Variants in CNTNAP4 observed in about 807,000 individuals in gnomAD.
The protein encoded by CNTNAP4 is contactin associated protein family member 4.
Under a neutral mutation model 148.4 loss-of-function variants are expected in CNTNAP4, and 98 were observed. That is an observed-to-expected ratio of 0.66 (90% CI 0.56 to 0.78). CNTNAP4 has a LOEUF of 0.78. Ranked by LOEUF, CNTNAP4 falls within the 30% of genes least tolerant of loss-of-function variation. CNTNAP4 has a pLI of 0.00. For missense variants in CNTNAP4, 1,935 were observed against 1,565.6 expected (o/e 1.24, Z -3.98); for synonymous variants, 730 against 565.1 (o/e 1.29, Z -4.14).
intron 2 of CNTNAP4, among the ~76,000 whole-genome samples, chr16:76,341,055 C>T (rs1211251904): frequency 1.3e-5 from 2 of 152,330 alleles, no homozygotes; most frequent in Non-Finnish European, 2.9e-5. Context: ...TAATGTGCTA[C>T]AGCCTCTCAC....
chr16:76,277,746 C>G lies in CNTNAP4; in HGVS notation c.84C>G (p.Ser28=), dbSNP rs1391106925. 3.2e-6 allele frequency: 5 copies of G among 1,576,710 alleles called. No individual in the cohort carries two copies. In the Admixed American group the frequency reaches 7.0e-5, roughly 22 times the overall value. ...QNWNRVEAGN[S]YDCDDPLVSA... is the part of the protein sequence containing the mutation. ...GGAACAGAGTCGAAGCTGGGAATTC[C>G]TGTAAGTATACAGCAAATGATTTAA... Residue 28 remains serine (S), a splice_region_variant and synonymous_variant, in exon 1 of 24, where the codon TCC becomes TCG. Transcript: ENST00000611870.
intron 4 of CNTNAP4, among the ~76,000 whole-genome samples, chr16:76,445,073 T>C (rs144139183): frequency 1.7e-3 from 263 of 152,230 alleles, no homozygotes; most frequent in African/African-American, 6.1e-3. Context: ...AATGGGACAG[T>C]GCTGGGAAAA....
chr16:76,390,824 C>G (rs772884655), intron 3 of CNTNAP4, among the ~76,000 whole-genome samples: 10 of 152,142 alleles, frequency 6.6e-5, no homozygotes, highest in East Asian at 1.9e-4. Flanking sequence ...CTCCTCAAGT[C>G]TTGAATTTCT....
chr16:76,478,781 C>T (rs2081691808), intron 11 of CNTNAP4, among the ~76,000 whole-genome samples: 1 of 152,076 alleles, frequency 6.6e-6, no homozygotes, highest in Non-Finnish European at 1.5e-5. Flanking sequence ...ACAAGTATGT[C>T]TTCTGCTTTG....
At chr16:76,417,878 G>A (rs1391207130) in intron 3 of CNTNAP4, among the ~76,000 whole-genome samples, 1 of 151,552 alleles carries the variant, frequency 6.6e-6, no homozygotes, top group Non-Finnish European at 1.5e-5. Flanking sequence ...TAGAGTTGTA[G>A]TTTTATTTTT....
At chr16:76,327,260 C>T (rs1012176300) in intron 2 of CNTNAP4, among the ~76,000 whole-genome samples, 3 of 152,144 alleles carry the variant, frequency 2.0e-5, no homozygotes, top group Non-Finnish European at 4.4e-5. Flanking sequence ...TAGGTCCATA[C>T]GCTCCCAATA....
chr16:76,315,859 T>A (rs1290241189), intron 1 of CNTNAP4, among the ~76,000 whole-genome samples: 1 of 152,126 alleles, frequency 6.6e-6, no homozygotes, highest in East Asian at 1.9e-4. Flanking sequence ...CCTCCCAAAG[T>A]GCTGGGACCA....
chr16:76,520,401 T>C (rs2083410058), intron 15 of CNTNAP4, among the ~76,000 whole-genome samples: 1 of 152,220 alleles, frequency 6.6e-6, no homozygotes, highest in African/African-American at 2.4e-5. Context: ...CTTTATAGTC[T>C]ACATTTTTTT....
At chr16:76,401,689 A>G (rs2078423313) in intron 3 of CNTNAP4, among the ~76,000 whole-genome samples, 1 of 152,092 alleles carries the variant, frequency 6.6e-6, no homozygotes, top group African/African-American at 2.4e-5. Context: ...TTTGCCATAG[A>G]TAGCTTTTAT....
chr16:76,529,574 G>A lies in CNTNAP4; in HGVS notation c.2756-5971G>A, dbSNP rs533386574. ...CCTTGAATTGATTTTTATTCAACCA[G>A]CTCCGCAATTTTTGTTTCCAGTCTC... On this transcript the variant is annotated intron_variant, in intron 17 of 23. Transcript: ENST00000611870. Among the ~76,000 whole-genome samples, 3 of 152,258 alleles carry A rather than the reference G, an allele frequency of 2.0e-5. No homozygotes were observed. In the South Asian group the frequency reaches 6.2e-4, roughly 32 times the overall value.
chr16:76,362,092 G>A (rs2013507830), intron 3 of CNTNAP4, among the ~76,000 whole-genome samples: 1 of 151,852 alleles, frequency 6.6e-6, no homozygotes, highest in Non-Finnish European at 1.5e-5. Flanking sequence ...TATATATTTA[G>A]TTTATACATA....
chr16:76,494,586 T>G (rs1179261441), intron 13 of CNTNAP4, among the ~76,000 whole-genome samples: 3 of 152,212 alleles, frequency 2.0e-5, no homozygotes, highest in Non-Finnish European at 4.4e-5. Context: ...TGTTTCAAAA[T>G]TATTTTTAAA....
intron 12 of CNTNAP4, among the ~76,000 whole-genome samples, chr16:76,483,155 CAT>C (rs1455291991): frequency 2.0e-5 from 3 of 151,644 alleles, no homozygotes; most frequent in Non-Finnish European, 2.9e-5. Context: ...TACACATACA[CAT>C]GTTATAGGAA....
rs61739550 is a variant in CNTNAP4, at chr16:76,277,709, C to G, written c.47C>G (p.Ser16Cys). 6.8e-4 allele frequency: 1,087 copies of G among 1,605,854 alleles called. 12 individuals are homozygous for G. The African/African-American group carries it at 0.013, about 20-fold the overall frequency. Residue 16 changes from serine to cysteine, a missense_variant, in exon 1 of 24, where the codon TCT becomes TGT. Coordinates refer to ENST00000611870, the MANE Select transcript of CNTNAP4 (RefSeq NM_033401.5). ...GTCCTCAAGACGCTACTTCTGTTAT[C>G]TACTCAAAATTGGAACAGAGTCGAA... Reference protein sequence around the residue: ...GAVLKTLLLLSTQNWNRVEAG... With the variant: ...GAVLKTLLLLCTQNWNRVEAG...
intron 3 of CNTNAP4, among the ~76,000 whole-genome samples, chr16:76,418,438 T>G (rs2079064578): frequency 6.6e-6 from 1 of 150,788 alleles, no homozygotes; most frequent in South Asian, 2.1e-4. Flanking sequence ...AGGGTACATG[T>G]GCACAATCTT....
At chr16:76,393,627 G>A (rs1383841110) in intron 3 of CNTNAP4, among the ~76,000 whole-genome samples, 1 of 151,918 alleles carries the variant, frequency 6.6e-6, no homozygotes, top group Non-Finnish European at 1.5e-5. Flanking sequence ...GATGAAGCAG[G>A]CATCAGCAAG....
At chr16:76,405,514 A>G (rs868262000) in intron 3 of CNTNAP4, among the ~76,000 whole-genome samples, 57 of 152,346 alleles carry the variant, frequency 3.7e-4, no homozygotes, top group African/African-American at 1.3e-3. Flanking sequence ...TATATGAGTT[A>G]TATACTGTAT....
intron 1 of CNTNAP4, among the ~76,000 whole-genome samples, chr16:76,304,693 G>A (rs746833019): frequency 6.6e-6 from 1 of 152,118 alleles, no homozygotes; most frequent in Non-Finnish European, 1.5e-5. Context: ...CAATATATGT[G>A]TGTCGCCACA....
intron 4 of CNTNAP4, among the ~76,000 whole-genome samples, chr16:76,431,899 A>G (rs1597513561): frequency 8.8e-6 from 1 of 113,490 alleles, no homozygotes; most frequent in Non-Finnish European, 1.8e-5. Context: ...GAAGGAAACA[A>G]GAGATAATTA....
Sources: allele counts gnomAD v4.1 joint callset (sites outside exome capture counted in the v4.1 genomes callset), GRCh38; gene constraint gnomAD v4.1.1; transcripts MANE v1.5; gene names NCBI Gene and HGNC (gene_info 2026-07-23, HGNC 2026-07-21).